EPG5: variants seen among roughly 807,000 people sequenced by gnomAD.
EPG5 encodes the protein ectopic P-granules 5 autophagy tethering factor.
Under a neutral mutation model 302.7 loss-of-function variants are expected in EPG5, and 159 were observed. The observed-to-expected ratio is 0.53, with a 90% CI of 0.46 to 0.60. The LOEUF is 0.60. EPG5 is among the 20% of genes least tolerant of loss of function. EPG5 has a pLI of 0.00. For synonymous variants in EPG5, 1,158 were observed against 1,136.8 expected, an observed-to-expected ratio of 1.02 and a Z score of -0.37; for missense variants, 2,896 against 3,092.4, an observed-to-expected ratio of 0.94 and a Z score of 1.51.
At chr18:45,917,883 A>C (rs868636006) in intron 16 of EPG5, 64 bp from the exon 17 acceptor site, 2 of 1,590,124 alleles carry the variant, frequency 1.3e-6, no homozygotes, top group Middle Eastern at 3.3e-4. Context: ...CTGTTCTTCC[A>C]ATGAGTTATG....
chr18:45,869,910 C>A (rs1486558472), intron 36 of EPG5, among the ~76,000 whole-genome samples: 2 of 150,718 alleles, frequency 1.3e-5, no homozygotes, highest in African/African-American at 2.4e-5. Flanking sequence ...CCATAAAAAC[C>A]TAAGACAAGA....
chr18:45,865,157 C>T (rs2048718844), intron 39 of EPG5, among the ~76,000 whole-genome samples: 1 of 152,202 alleles, frequency 6.6e-6, no homozygotes, highest in South Asian at 2.1e-4. Flanking sequence ...TGCCACTCCA[C>T]TAATAAATTT....
chr18:45,810,212 G>A, the EPG5 span, among the ~76,000 whole-genome samples: 853 of 152,314 alleles, frequency 5.6e-3, 5 homozygotes, highest in African/African-American at 0.02. Flanking sequence ...GTGAGATTGA[G>A]ATGGTAATTT....
At chr18:45,876,416 T>G in intron 34 of EPG5, 74 bp from the exon 35 acceptor site, 3 of 1,267,982 alleles carry the variant, frequency 2.4e-6, no homozygotes, top group Non-Finnish European at 2.3e-6. Context: ...TGTCTAGGGC[T>G]GGCCTAAGTC....
At chr18:45,940,152 T>A (rs1259096636) in intron 9 of EPG5, among the ~76,000 whole-genome samples, 1 of 152,114 alleles carries the variant, frequency 6.6e-6, no homozygotes, top group Admixed American at 6.5e-5. Context: ...AGGAATCACA[T>A]AAGTCTCTAT....
At chr18:45,884,032 C>T (rs567909734) in intron 30 of EPG5, among the ~76,000 whole-genome samples, 198 of 152,006 alleles carry the variant, frequency 1.3e-3, no homozygotes, top group Non-Finnish European at 2.2e-3. Context: ...TTGTCAAACA[C>T]AATTTAGGCA....
At chr18:45,868,829 G>A (rs530604243) in intron 36 of EPG5, among the ~76,000 whole-genome samples, 5 of 151,758 alleles carry the variant, frequency 3.3e-5, no homozygotes, top group African/African-American at 1.2e-4. Flanking sequence ...GCCAAGGCAG[G>A]TGGATCACAA....
chr18:45,812,303 G>A, the EPG5 span, among the ~76,000 whole-genome samples: 1 of 152,156 alleles, frequency 6.6e-6, no homozygotes, highest in African/African-American at 2.4e-5. Context: ...CCATGCTCAT[G>A]GGTAGGAAGA....
chr18:45,900,892 T>TGGCC, intron 26 of EPG5, 104 bp downstream of exon 26: 1 of 1,309,556 alleles, frequency 7.6e-7, no homozygotes, highest in Non-Finnish European at 1.1e-6. Flanking sequence ...CAAACTATCC[T>TGGCC]CATTGTAAAA....
chr18:45,837,179 G>T, the EPG5 span: 1 of 1,557,934 alleles, frequency 6.4e-7, no homozygotes, highest in Non-Finnish European at 8.7e-7. Flanking sequence ...GGCAGGTTTT[G>T]ATGGGGAAAA....
At chr18:45,882,234 A>T in intron 31 of EPG5, 40 bp downstream of exon 31, 1 of 1,461,776 alleles carries the variant, frequency 6.8e-7, no homozygotes, top group Non-Finnish European at 9.6e-7. Flanking sequence ...TTAAATATTC[A>T]CTAAGATCTA....
intron 34 of EPG5, among the ~76,000 whole-genome samples, chr18:45,877,315 G>A (rs1446475036): frequency 1.3e-5 from 2 of 152,050 alleles, no homozygotes; most frequent in African/African-American, 2.4e-5. Flanking sequence ...GCTACTCAGG[G>A]GGCTGAGGCA....
chr18:45,841,808 T>C, the EPG5 span, among the ~76,000 whole-genome samples: 404 of 152,310 alleles, frequency 2.7e-3, 1 homozygote, highest in Admixed American at 4.4e-3. Context: ...AGGAAAGCAG[T>C]TGGGGACCAG....
chr18:45,844,498 C>T (rs1049200143), downstream of EPG5, among the ~76,000 whole-genome samples: 31 of 152,168 alleles, frequency 2.0e-4, no homozygotes, highest in African/African-American at 6.8e-4. Context: ...TGAATCAAAA[C>T]ATCACATGTA....
intron 23 of EPG5, among the ~76,000 whole-genome samples, chr18:45,910,230 C>T (rs2049859985): frequency 6.6e-6 from 1 of 152,038 alleles, no homozygotes; most frequent in African/African-American, 2.4e-5. Flanking sequence ...AGTTGTTTAC[C>T]TGCTATGATA....
Position 45,887,892 on chromosome 18 carries a change from G to C in EPG5, c.4968C>G (p.Ala1656=), listed in dbSNP as rs371896302. The change falls in exon 29 of 44, where the codon GCC becomes GCG. Residue 1656 remains alanine (A), a synonymous_variant. Transcript: ENST00000282041. ...AENLITALVN[A]YKLQPTPGIQ... ...TCCCAGGTGTAGGCTGCAACTTGTA[G>C]GCATTCACTAAGGCCCTGTGGGAAA... is the stretch of plus-strand genomic sequence containing the variant. 15 of 1,579,970 alleles carry C rather than the reference G, an allele frequency of 9.5e-6. No homozygotes were observed. Among genetic ancestry groups the C allele is most frequent in the Middle Eastern group, 1.7e-4 (1 of 5,928 alleles).
At chr18:45,907,308 G>A (rs2049777224) in intron 24 of EPG5, 1 of 152,120 alleles carries the variant, frequency 6.6e-6, no homozygotes, top group Non-Finnish European at 1.5e-5. Flanking sequence ...AAAAGAACTA[G>A]AATAGAAGAG....
At chr18:45,965,876 A>G (rs2051238263) in intron 1 of EPG5, among the ~76,000 whole-genome samples, 1 of 151,604 alleles carries the variant, frequency 6.6e-6, no homozygotes, top group Non-Finnish European at 1.5e-5. Flanking sequence ...CAACAAGGAG[A>G]AACCCCGTCT....
intron 16 of EPG5, among the ~76,000 whole-genome samples, chr18:45,918,898 A>G (rs575619165): frequency 3.9e-5 from 6 of 152,210 alleles, no homozygotes; most frequent in Non-Finnish European, 8.8e-5. Flanking sequence ...CTTTTTCTCC[A>G]CTTTCCTAAT....
Sources: allele counts gnomAD v4.1 joint callset (sites outside exome capture counted in the v4.1 genomes callset), GRCh38; gene constraint gnomAD v4.1.1; transcripts MANE v1.5; gene names NCBI Gene and HGNC (gene_info 2026-07-23, HGNC 2026-07-21).